Variants in PRKCZ observed in about 807,000 individuals in gnomAD.
The protein encoded by PRKCZ is protein kinase C zeta.
Under a neutral mutation model 79.5 loss-of-function variants are expected in PRKCZ, and 33 were observed. That is an observed-to-expected ratio of 0.41 (90% CI 0.31 to 0.55). The LOEUF (loss-of-function observed/expected upper bound fraction) is 0.55. PRKCZ is among the 20% of genes least tolerant of loss of function. PRKCZ has a pLI of 0.19. For missense variants in PRKCZ, 578 were observed against 813.5 expected (o/e 0.71, Z 3.52); for synonymous variants, 342 against 320.9 (o/e 1.07, Z -0.70).
chr1:2,096,210 T>TG (rs1666484179), intron 4 of PRKCZ, among the ~76,000 whole-genome samples: 1 of 151,856 alleles, frequency 6.6e-6, no homozygotes, highest in African/African-American at 2.4e-5. Flanking sequence ...GGCTTCCTTG[T>TG]GACTTCATCC....
Position 2,105,589 on chromosome 1 carries a change from G to A in PRKCZ, c.335-29673G>A, listed in dbSNP as rs113313636. Among the ~76,000 whole-genome samples the A allele has an allele frequency of 7.1e-3, 1,073 of 152,190 alleles. 6 individuals carry two copies. The highest frequency in any genetic ancestry group is 0.012 in the Non-Finnish European group (823 of 68,004). ...TAATTTTTGTATTTTTAGTAGAGAC[G>A]GGGTTTCACCATGTTGGCCAGGCCG... On this transcript the variant is annotated intron_variant, in intron 4 of 17. Transcript: ENST00000378567.
chr1:2,117,765 T>C (rs1386990134), intron 4 of PRKCZ, among the ~76,000 whole-genome samples: 1 of 152,204 alleles, frequency 6.6e-6, no homozygotes. Context: ...TGCTGAATTT[T>C]TTCAGATGCT....
intron 4 of PRKCZ, among the ~76,000 whole-genome samples, chr1:2,121,498 T>A (rs1671888735): frequency 6.6e-6 from 1 of 150,902 alleles, no homozygotes; most frequent in Non-Finnish European, 1.5e-5. Flanking sequence ...ACGGTGGTAG[T>A]TAGGATCATG....
At chr1:2,163,092 A>G (rs977591749) in intron 10 of PRKCZ, among the ~76,000 whole-genome samples, 2 of 152,240 alleles carry the variant, frequency 1.3e-5, no homozygotes, top group African/African-American at 4.8e-5. Context: ...CTCTGGTGAC[A>G]GTGGCCAGCA....
chr1:2,148,747 T>C lies in PRKCZ; in HGVS notation c.635-125T>C, dbSNP rs190040026. The stretch of plus-strand genomic sequence containing the variant: ...GAAGACTCTAAATTAGAATCAGACA[T>C]GGCTGCTGTGTGGATTCACCCTTCA... On this transcript the variant is annotated intron_variant, in intron 7 of 17. Transcript: ENST00000378567. The C allele has an allele frequency of 6.9e-5, 63 of 914,180 alleles. No homozygotes were observed. In the African/African-American group the frequency reaches 9.4e-4, roughly 14 times the overall value. 56.6% of individuals were successfully genotyped at this position (914,180 alleles called of 1,614,324 possible).
chr1:2,161,685 G>A (rs115113197), intron 10 of PRKCZ, among the ~76,000 whole-genome samples: 1,936 of 152,250 alleles, frequency 0.013, 23 homozygotes, highest in Non-Finnish European at 0.02. Context: ...GTTAGGACCG[G>A]GGGACCTCCA....
chr1:2,097,399 G>A, intron 4 of PRKCZ, among the ~76,000 whole-genome samples: 2 of 152,212 alleles, frequency 1.3e-5, no homozygotes, highest in East Asian at 3.9e-4. Flanking sequence ...AATTCAGGAG[G>A]TGTGGCCAGT....
At chr1:2,124,367 ACGGCGGCGGTTAGGGTCACGG>A (rs1557628160) in intron 4 of PRKCZ, among the ~76,000 whole-genome samples, 1 of 103,196 alleles carries the variant, frequency 9.7e-6, no homozygotes, top group African/African-American at 3.7e-5. Flanking sequence ...GGTTAGGGTC[ACGGCGGCGGTTAGGGTCACGG>A]CGGTGGTTAG....
chr1:2,176,495 G>A (rs1685528921), intron 16 of PRKCZ, among the ~76,000 whole-genome samples: 1 of 152,196 alleles, frequency 6.6e-6, no homozygotes, highest in South Asian at 2.1e-4. Context: ...GCTGAGGAGC[G>A]TCTGTGGAAT....
In PRKCZ at chr1:2,105,587, A is replaced by G. The variant is rs1016282914; in HGVS notation, c.335-29675A>G. Among the ~76,000 whole-genome samples, 7 of 152,042 alleles carry G rather than the reference A, an allele frequency of 4.6e-5. No homozygotes were observed. In the East Asian group the frequency reaches 1.3e-3, roughly 29 times the overall value. On this transcript the variant is annotated intron_variant, in intron 4 of 17. Transcript: ENST00000378567. ...GCTAATTTTTGTATTTTTAGTAGAG[A>G]CGGGGTTTCACCATGTTGGCCAGGC...
At position 2,144,221 on chromosome 1, in the gene PRKCZ, C is replaced by T. The variant is rs569792186; in HGVS notation, c.432C>T (p.Cys144=). The T allele has an allele frequency of 6.4e-6, 10 of 1,552,162 alleles. No homozygotes were observed. The highest frequency in any genetic ancestry group is 2.4e-5 in the East Asian group (1 of 41,034). ...QAKRFNRRAY[C]GQCSERIWGL... ...GTTCCCACCTGCAGAGAGCGTACTG[C>T]GGTCAGTGCAGCGAGAGGATATGGG... Residue 144 remains cysteine (C), a synonymous_variant, in exon 6 of 18, where the codon TGC becomes TGT. Transcript: ENST00000378567.
chr1:2,077,186 G>A (rs1343918221), intron 4 of PRKCZ, among the ~76,000 whole-genome samples: 4 of 152,226 alleles, frequency 2.6e-5, no homozygotes, highest in African/African-American at 7.2e-5. Context: ...CTCACGTATC[G>A]GGCACACAGG....
At chr1:2,056,334 G>T in intron 2 of PRKCZ, 150 bp from the exon 3 acceptor site, 1 of 670,264 alleles carries the variant, frequency 1.5e-6, no homozygotes, top group Non-Finnish European at 2.5e-6. Context: ...GGCCGTCCTT[G>T]GACCTCCCGA....
chr1:2,055,134 G>A (rs1298476106), intron 1 of PRKCZ, among the ~76,000 whole-genome samples: 2 of 151,958 alleles, frequency 1.3e-5, no homozygotes, highest in African/African-American at 4.8e-5. Flanking sequence ...AGTAGAGACG[G>A]GGTTTCACCG....
intron 9 of PRKCZ, among the ~76,000 whole-genome samples, chr1:2,151,273 G>A (rs982513004): frequency 7.2e-5 from 11 of 152,240 alleles, no homozygotes; most frequent in African/African-American, 1.9e-4. Flanking sequence ...CTGCAAGCCC[G>A]TACGGCTGTT....
In PRKCZ at chr1:2,055,573, T is replaced by C. The variant is rs532550735; in HGVS notation, c.193+11T>C. ...GGGTGGACAGCGAAGGTAGCCCTTGTCCCATGTTGGCCAGAATCCTCAGCC... is the reference window on the plus strand; with the variant it reads ...GGGTGGACAGCGAAGGTAGCCCTTGCCCCATGTTGGCCAGAATCCTCAGCC... On this transcript the variant is annotated intron_variant, in intron 2 of 17. Transcript: ENST00000378567. 1 of 1,610,840 alleles carries C rather than the reference T, an allele frequency of 6.2e-7. No individual in the cohort carries two copies. The highest frequency in any genetic ancestry group is 1.7e-5 in the Admixed American group (1 of 59,494).
In PRKCZ at chr1:2,094,681, C is replaced by T. The variant is rs913814887; in HGVS notation, c.334+35090C>T. Among the ~76,000 whole-genome samples the T allele has an allele frequency of 7.6e-5, 11 of 144,512 alleles. No homozygotes were observed. The highest frequency in any genetic ancestry group is 2.0e-4 in the Admixed American group (3 of 14,682). 94.8% of individuals were successfully genotyped at this position (144,512 alleles called of 152,430 possible). A position where few individuals can be genotyped will look rare whatever the true frequency, so the allele number is the denominator to read the frequency against. On this transcript the variant is annotated intron_variant, in intron 4 of 17. Coordinates refer to ENST00000378567, the MANE Select transcript of PRKCZ (RefSeq NM_002744.6). This position sits in a 1 kb window ranked among gnomAD's most constrained non-coding sequence, Gnocchi z 7.3. ...CGTTGAACCTTGGGCGCTGCCCGTTCTGAGGCGCCCGCTGTGCCCGGCTCG... is the reference window on the plus strand; with the variant it reads ...CGTTGAACCTTGGGCGCTGCCCGTTTTGAGGCGCCCGCTGTGCCCGGCTCG...
At chr1:2,055,193 C>G (rs978550587) in intron 1 of PRKCZ, among the ~76,000 whole-genome samples, 1 of 150,946 alleles carries the variant, frequency 6.6e-6, no homozygotes, top group Non-Finnish European at 1.5e-5. Context: ...CCACCCGCCT[C>G]GGCCTCCCAA....
intron 4 of PRKCZ, among the ~76,000 whole-genome samples, chr1:2,079,853 G>A (rs936817755): frequency 2.0e-5 from 3 of 152,230 alleles, no homozygotes; most frequent in African/African-American, 7.2e-5. Context: ...CCACAGAGCT[G>A]GTGGTGGCGG....
Sources: gnomAD v4.1 joint callset for allele counts (sites outside exome capture counted in the v4.1 genomes callset) on GRCh38, gnomAD v4.1.1 for gene constraint, Gnocchi (gnomAD v3.1) non-coding constraint, MANE v1.5 for transcripts, NCBI Gene and HGNC (gene_info 2026-07-23, HGNC 2026-07-21) for gene names.